NTNG1: variants seen among roughly 807,000 people sequenced by gnomAD.
The protein encoded by NTNG1 is netrin G1, also known as netrin-G1.
NTNG1 carries 16 observed loss-of-function variants against 54.0 expected under a neutral mutation model. The observed-to-expected ratio is 0.30, with a 90% CI of 0.20 to 0.45. The LOEUF (loss-of-function observed/expected upper bound fraction) is 0.45. Ranked by LOEUF, NTNG1 falls within the 20% of genes least tolerant of loss-of-function variation. The pLI is 1.00. For missense variants in NTNG1, 530 were observed against 678.7 expected (o/e 0.78, Z 2.43); for synonymous variants, 255 against 263.1 (o/e 0.97, Z 0.30).
At chr1:107,443,565 G>C (rs991352342) in intron 7 of NTNG1, among the ~76,000 whole-genome samples, 2 of 152,020 alleles carry the variant, frequency 1.3e-5, no homozygotes, top group African/African-American at 4.8e-5. Flanking sequence ...TCTAGTTGCT[G>C]TCTCTTCCTA....
chr1:107,242,230 C>T (rs1345541279), intron 2 of NTNG1, among the ~76,000 whole-genome samples: 2 of 152,040 alleles, frequency 1.3e-5, no homozygotes, highest in Non-Finnish European at 2.9e-5. Context: ...GTGAGAGAAT[C>T]CTTTGAGCCC....
chr1:107,444,111 C>T (rs1219788352), intron 7 of NTNG1, among the ~76,000 whole-genome samples: 1 of 148,552 alleles, frequency 6.7e-6, no homozygotes, highest in East Asian at 2.0e-4. Context: ...TGAGCAAACC[C>T]CAGGGTTGCC....
At chr1:107,392,557 C>G (rs1204534151) in intron 3 of NTNG1, among the ~76,000 whole-genome samples, 2 of 151,976 alleles carry the variant, frequency 1.3e-5, no homozygotes, top group Admixed American at 6.6e-5. Context: ...GTCCCAGCCC[C>G]TGAGGAAACA....
chr1:107,358,695 A>G (rs1188209333), intron 3 of NTNG1, among the ~76,000 whole-genome samples: 1 of 152,056 alleles, frequency 6.6e-6, no homozygotes, highest in African/African-American at 2.4e-5. Context: ...GTTTAACAAC[A>G]TCTACAAGCT....
At chr1:107,423,688 A>G (rs912813444) in intron 5 of NTNG1, among the ~76,000 whole-genome samples, 1 of 152,132 alleles carries the variant, frequency 6.6e-6, no homozygotes, top group Admixed American at 6.6e-5. Context: ...ATATAAAACC[A>G]CAGCAATTTT....
At chr1:107,372,778 C>T (rs889532279) in intron 3 of NTNG1, among the ~76,000 whole-genome samples, 1 of 151,818 alleles carries the variant, frequency 6.6e-6, no homozygotes, top group African/African-American at 2.4e-5. Context: ...TTTTATTTGT[C>T]CTTCAATCAA....
rs372465052 is a variant in NTNG1, at chr1:107,324,723, G to A, written c.688G>A (p.Ala230Thr). ...CCACTTTGAAATCAAAGACAGGTTC[G>A]CGTTTTTTGCTGGACCTCGCCTACG... ...IIHFEIKDRF[A>T]FFAGPRLRNM... The change falls in exon 3 of 8, where the codon GCG (alanine) becomes ACG (threonine). Residue 230 changes from alanine to threonine, a missense_variant. Coordinates refer to ENST00000370068, the MANE Select transcript of NTNG1 (RefSeq NM_001113226.3). The A allele has an allele frequency of 6.8e-6, 11 of 1,613,426 alleles. No homozygotes were observed. The highest frequency in any genetic ancestry group is 2.2e-5 in the East Asian group (1 of 44,830).
At chr1:107,347,311 C>G (rs887619508) in intron 3 of NTNG1, among the ~76,000 whole-genome samples, 1 of 151,998 alleles carries the variant, frequency 6.6e-6, no homozygotes, top group Non-Finnish European at 1.5e-5. Flanking sequence ...GCCAGAAGTT[C>G]AAGATCAGAT....
chr1:107,389,297 C>T (rs1672215343), intron 3 of NTNG1, among the ~76,000 whole-genome samples: 1 of 152,132 alleles, frequency 6.6e-6, no homozygotes, highest in Admixed American at 6.5e-5. Flanking sequence ...CACAAAGGGA[C>T]ATTTTTTTAA....
rs1261714656 is a variant in NTNG1 at position 107,361,389 on chromosome 1, A to ATTTT, written c.888-33764_888-33763insTTTT. Among the ~76,000 whole-genome samples the ATTTT allele has an allele frequency of 7.0e-3, 525 of 74,540 alleles. 6 individuals carry two copies. The highest frequency in any genetic ancestry group is 0.02 in the African/African-American group (497 of 24,472). The allele number at this position is 74,540 out of a possible 152,430, so 48.9% of individuals were successfully genotyped here. A position where few individuals can be genotyped will look rare whatever the true frequency, so the allele number is the denominator to read the frequency against. ...TATATATATACATATATATATATAT[A>ATTTT]TATTTTTTTTTTTTTTTGAGACACA... On this transcript the variant is annotated intron_variant, in intron 3 of 7. Transcript: ENST00000370068.
intron 3 of NTNG1, among the ~76,000 whole-genome samples, chr1:107,367,847 C>T (rs1056130342): frequency 4.6e-5 from 7 of 151,832 alleles, no homozygotes; most frequent in East Asian, 1.9e-4. Flanking sequence ...CTGCAGCCTC[C>T]GCCTCCCTGG....
In NTNG1 at chr1:107,209,202, C is replaced by A. The variant is rs189454221; in HGVS notation, c.246+60363C>A. On this transcript the variant is annotated intron_variant, in intron 2 of 7. Transcript: ENST00000370068. ...TCTGTCCTGACCTCATCTGAAACCT[C>A]CTTACCTATTGCTTTGATTACCACA... 1.2e-3 allele frequency among the ~76,000 whole-genome samples: 180 copies of A among 152,056 alleles called. 2 individuals carry two copies. Among genetic ancestry groups the A allele is most frequent in the Middle Eastern group, 6.8e-3 (2 of 294 alleles).
chr1:107,232,756 A>C (rs5012609), intron 2 of NTNG1, among the ~76,000 whole-genome samples: 1 of 152,034 alleles, frequency 6.6e-6, no homozygotes, highest in African/African-American at 2.4e-5. Flanking sequence ...CAATAAAAGG[A>C]ATAGAGGTAA....
chr1:107,446,338 G>A (rs1226006188), intron 7 of NTNG1, among the ~76,000 whole-genome samples: 2 of 152,006 alleles, frequency 1.3e-5, no homozygotes, highest in South Asian at 2.1e-4. Flanking sequence ...AGTACAATCA[G>A]CAACTAATGA....
chr1:107,161,112 A>G (rs952057980), intron 2 of NTNG1, among the ~76,000 whole-genome samples: 11 of 152,166 alleles, frequency 7.2e-5, no homozygotes, highest in African/African-American at 2.4e-4. Context: ...TCCAAAGGGT[A>G]GGAACTGTGT....
intron 3 of NTNG1, among the ~76,000 whole-genome samples, chr1:107,370,858 C>T (rs4256845): frequency 2.0e-5 from 3 of 151,956 alleles, no homozygotes; most frequent in Admixed American, 6.6e-5. Flanking sequence ...AGTATAAATG[C>T]TATTGGCTTT....
intron 3 of NTNG1, among the ~76,000 whole-genome samples, chr1:107,381,348 TAAAAAAAAA>T (rs10598493): frequency 5.8e-5 from 3 of 51,616 alleles, no homozygotes; most frequent in Admixed American, 2.5e-4. Context: ...TCTCTTTAAC[TAAAAAAAAA>T]AAAAAAAAAA....
chr1:107,150,799 G>A (rs548584086), intron 2 of NTNG1, among the ~76,000 whole-genome samples: 22 of 152,272 alleles, frequency 1.4e-4, no homozygotes, highest in Non-Finnish European at 2.8e-4. Flanking sequence ...GGCATGTTAC[G>A]GATCTTCCCA....
chr1:107,407,540 C>T (rs946258163), intron 4 of NTNG1, 142 bp from the exon 5 acceptor site: 7 of 626,176 alleles, frequency 1.1e-5, no homozygotes, highest in African/African-American at 9.3e-5. Context: ...TATATGTGCA[C>T]CTGTATTTTG....
Sources: gnomAD v4.1 joint callset for allele counts (sites outside exome capture counted in the v4.1 genomes callset) on GRCh38, gnomAD v4.1.1 for gene constraint, MANE v1.5 for transcripts, NCBI Gene and HGNC (gene_info 2026-07-23, HGNC 2026-07-21) for gene names.